The following EDIL3 variants were observed in gnomAD, a reference collection of about 807,000 sequenced individuals.
EDIL3 encodes EGF-like repeat and discoidin I-like domain-containing protein 3.
In EDIL3, 37 loss-of-function variants were observed where a neutral mutation model predicts 67.4. That is an observed-to-expected ratio of 0.55 (90% CI 0.42 to 0.72). The LOEUF is 0.72. EDIL3 is among the 30% of genes least tolerant of loss of function. The pLI, the probability that EDIL3 is intolerant of heterozygous loss-of-function variation, is 0.00. For missense variants in EDIL3, 527 were observed against 586.3 expected, an observed-to-expected ratio of 0.90 and a Z score of 1.04; for synonymous variants, 195 against 196.3, an observed-to-expected ratio of 0.99 and a Z score of 0.05.
At chr5:84,246,514 T>C (rs1301579913) in intron 2 of EDIL3, among the ~76,000 whole-genome samples, 1 of 152,236 alleles carries the variant, frequency 6.6e-6, no homozygotes, top group Non-Finnish European at 1.5e-5. Flanking sequence ...TGTGATTATT[T>C]GTTAGGCAGT....
chr5:84,304,674 A>G (rs1430985848), intron 1 of EDIL3, among the ~76,000 whole-genome samples: 1 of 152,232 alleles, frequency 6.6e-6, no homozygotes, highest in Non-Finnish European at 1.5e-5. Flanking sequence ...GATGAATGAT[A>G]CATATTGTCT....
At chr5:84,055,607 T>C (rs913849318) in intron 9 of EDIL3, among the ~76,000 whole-genome samples, 93 of 151,708 alleles carry the variant, frequency 6.1e-4, no homozygotes, top group African/African-American at 2.1e-3. Flanking sequence ...CAAACAAATT[T>C]ACAAGAAAAA....
chr5:84,203,265 A>G (rs549772871), intron 3 of EDIL3, among the ~76,000 whole-genome samples: 1 of 152,318 alleles, frequency 6.6e-6, no homozygotes, highest in East Asian at 1.9e-4. Context: ...GTCAAACTGA[A>G]CAAATCTCAA....
chr5:84,004,477 C>G (rs1469155665), intron 9 of EDIL3, among the ~76,000 whole-genome samples: 1 of 151,958 alleles, frequency 6.6e-6, no homozygotes, highest in East Asian at 1.9e-4. Flanking sequence ...CAAACATACT[C>G]TCAGATCAAA....
At chr5:84,269,258 AAT>A (rs1313754470) in intron 1 of EDIL3, among the ~76,000 whole-genome samples, 1 of 152,176 alleles carries the variant, frequency 6.6e-6, no homozygotes, top group African/African-American at 2.4e-5. Flanking sequence ...CAAAAATATG[AAT>A]ATGTCAAAAT....
At chr5:84,287,162 T>G (rs1418323669) in intron 1 of EDIL3, among the ~76,000 whole-genome samples, 1 of 152,216 alleles carries the variant, frequency 6.6e-6, no homozygotes, top group Non-Finnish European at 1.5e-5. Context: ...TACGTTCTAT[T>G]GAGCTAAAGC....
In EDIL3 at chr5:84,338,106, C is replaced by T. The variant is rs149950994; in HGVS notation, c.67+46202G>A. Among the ~76,000 whole-genome samples the T allele has an allele frequency of 4.6e-5, 7 of 152,166 alleles. No homozygotes were observed. The East Asian group carries it at 1.2e-3, about 25-fold the overall frequency. Reference sequence around the variant, plus strand: ...TATGCTATTTTAAATTTTTCATATTCTCTTTACTAATACTAATACTCTTTA... The same window carrying T: ...TATGCTATTTTAAATTTTTCATATTTTCTTTACTAATACTAATACTCTTTA... On this transcript the variant is annotated intron_variant, in intron 1 of 10. Transcript: ENST00000296591.
rs182608291 is a variant in EDIL3, at chr5:84,319,830, G to T, written c.67+64478C>A. On this transcript the variant is annotated intron_variant, in intron 1 of 10. Transcript: ENST00000296591. ...AGAATACTATGCAGCCATAAAAAAGGATGAGTTCATGTCCCTTGCAGGGAC... is the reference window on the plus strand; with the variant it reads ...AGAATACTATGCAGCCATAAAAAAGTATGAGTTCATGTCCCTTGCAGGGAC... Among the ~76,000 whole-genome samples, 227 of 152,240 alleles carry T rather than the reference G, an allele frequency of 1.5e-3. 2 individuals carry two copies. Among genetic ancestry groups the T allele is most frequent in the African/African-American group, 5.2e-3 (215 of 41,544 alleles).
intron 4 of EDIL3, among the ~76,000 whole-genome samples, chr5:84,174,534 C>T (rs1207641852): frequency 1.3e-5 from 2 of 152,166 alleles, no homozygotes; most frequent in African/African-American, 4.8e-5. Context: ...AGCCTGGAGG[C>T]TGCAGCCCCC....
At position 83,949,697 on chromosome 5, in the gene EDIL3, G is replaced by A. The variant is rs181690465; in HGVS notation, c.1294-6129C>T. ...GTGTCAAATCTAGTGTAAGCATAGC[G>A]TTTACAGACACATGTCATTCCAGTG... On this transcript the variant is annotated intron_variant, in intron 10 of 10. Coordinates refer to ENST00000296591, the MANE Select transcript of EDIL3 (RefSeq NM_005711.5). Among the ~76,000 whole-genome samples the A allele has an allele frequency of 9.2e-5, 14 of 151,852 alleles. No homozygotes were observed. In the South Asian group the frequency reaches 1.5e-3, roughly 16 times the overall value.
At chr5:84,245,157 T>C (rs2112064621) in intron 2 of EDIL3, among the ~76,000 whole-genome samples, 1 of 152,334 alleles carries the variant, frequency 6.6e-6, no homozygotes, top group African/African-American at 2.4e-5. Context: ...TTCACTCTTC[T>C]TTATATACGC....
intron 1 of EDIL3, among the ~76,000 whole-genome samples, chr5:84,363,680 CAT>C (rs1747666108): frequency 6.6e-6 from 1 of 152,028 alleles, no homozygotes; most frequent in South Asian, 2.1e-4. Context: ...GTCACAGAAA[CAT>C]AGCAAGAGGT....
chr5:84,217,759 CACACAT>C (rs1446552641), intron 3 of EDIL3, among the ~76,000 whole-genome samples: 108 of 151,078 alleles, frequency 7.1e-4, no homozygotes, highest in African/African-American at 2.2e-3. Flanking sequence ...CACACACACA[CACACAT>C]CCTTCTGGTT....
intron 1 of EDIL3, among the ~76,000 whole-genome samples, chr5:84,304,863 C>G (rs1212273386): frequency 1.3e-5 from 2 of 152,164 alleles, no homozygotes; most frequent in African/African-American, 4.8e-5. Context: ...AAAGCCCTCA[C>G]TTTATATGTG....
rs1347513258 is a variant in EDIL3, at chr5:84,087,771, A to T, written c.651+18878T>A. On this transcript the variant is annotated intron_variant, in intron 6 of 10. Transcript: ENST00000296591. Reference sequence around the variant, plus strand: ...AAAGAACAAGAAGCTGTGAAAATATATATTAGAATGGAATCTAGTTGAGGA... The same window carrying T: ...AAAGAACAAGAAGCTGTGAAAATATTTATTAGAATGGAATCTAGTTGAGGA... Among the ~76,000 whole-genome samples the T allele has an allele frequency of 2.0e-5, 3 of 152,198 alleles. No homozygotes were observed. The East Asian group carries it at 5.8e-4, about 29-fold the overall frequency.
intron 10 of EDIL3, among the ~76,000 whole-genome samples, chr5:83,950,479 T>C (rs1011381193): frequency 6.6e-6 from 1 of 151,866 alleles, no homozygotes; most frequent in African/African-American, 2.4e-5. Flanking sequence ...CCCAACATCA[T>C]GCGCCAGCGT....
chr5:84,158,017 C>T (rs1748525167), intron 4 of EDIL3, among the ~76,000 whole-genome samples: 1 of 152,036 alleles, frequency 6.6e-6, no homozygotes, highest in Non-Finnish European at 1.5e-5. Flanking sequence ...AAGCAGCATG[C>T]TGCATATAAT....
intron 3 of EDIL3, among the ~76,000 whole-genome samples, chr5:84,214,136 CAATGGCTAAAT>C (rs1221782482): frequency 1.3e-5 from 2 of 152,174 alleles, no homozygotes; most frequent in African/African-American, 4.8e-5. Flanking sequence ...TTATTACTAA[CAATGGCTAAAT>C]CATTGCCACT....
chr5:84,255,411 A>G (rs987637372), intron 1 of EDIL3, among the ~76,000 whole-genome samples: 1 of 152,172 alleles, frequency 6.6e-6, no homozygotes, highest in South Asian at 2.1e-4. Context: ...AGCACTGATT[A>G]AGTCTGGAGT....
Sources: allele counts gnomAD v4.1 joint callset (sites outside exome capture counted in the v4.1 genomes callset), GRCh38; gene constraint gnomAD v4.1.1; transcripts MANE v1.5; gene names NCBI Gene and HGNC (gene_info 2026-07-23, HGNC 2026-07-21).